Variants in VPS13B observed in about 807,000 individuals in gnomAD.
VPS13B encodes the protein vacuolar protein sorting 13 homolog B, also known as intermembrane lipid transfer protein VPS13B.
In VPS13B, 285 loss-of-function variants were observed where a neutral mutation model predicts 426.4. The ratio of observed to expected loss-of-function variants is 0.67; its 90% confidence interval spans 0.61 to 0.74. The LOEUF (loss-of-function observed/expected upper bound fraction) is 0.74. Among genes scored for constraint, VPS13B ranks in the 30% least tolerant of loss-of-function variants. The probability of loss-of-function intolerance (pLI) is 0.00; values close to 1 mark genes in which losing one functional copy is unlikely to be tolerated. For missense variants in VPS13B, 4,537 were observed against 4,782.6 expected, an observed-to-expected ratio of 0.95 and a Z score of 1.51; for synonymous variants, 1,676 against 1,676.4, an observed-to-expected ratio of 1.00 and a Z score of 0.01.
rs941969577 is a variant in VPS13B at position 99,835,267 on chromosome 8, C to T, written c.9685C>T (p.Arg3229Ter). Residue 3229 changes from arginine to a stop codon, truncating the protein, a stop_gained, in exon 53 of 62, where the codon CGA becomes TGA. Transcript: ENST00000357162. LOFTEE classifies it high-confidence loss of function. Reference sequence around the variant, plus strand: ...AACCCTCTCAGAAGACCCTAGTCCTCGAGTAATTATCCACAATAGATGTCC... The same window carrying T: ...AACCCTCTCAGAAGACCCTAGTCCTTGAGTAATTATCCACAATAGATGTCC... ...YLTLSEDPSP[R>*]VIIHNRCPVK... 1 of 1,613,574 alleles carries T rather than the reference C, an allele frequency of 6.2e-7. No homozygotes were observed. Among genetic ancestry groups the T allele is most frequent in the Non-Finnish European group, 8.5e-7 (1 of 1,179,750 alleles).
At position 99,340,170 on chromosome 8, in the gene VPS13B, C is replaced by T. The variant is rs1216756903; in HGVS notation, c.2825-44038C>T. 3 of 160,054 alleles carry T rather than the reference C, an allele frequency of 1.9e-5. No homozygotes were observed. In the Admixed American group the frequency reaches 2.0e-4, roughly 10 times the overall value. 9.9% of individuals were successfully genotyped at this position (160,054 alleles called of 1,614,324 possible). ...TGGGCAACTGAAACAACAGGGCCCACCTCTGCCAGAGTCCCCACGTGGTGT... is the reference window on the plus strand; with the variant it reads ...TGGGCAACTGAAACAACAGGGCCCATCTCTGCCAGAGTCCCCACGTGGTGT... On this transcript the variant is annotated intron_variant, in intron 19 of 61. Transcript: ENST00000357162.
intron 3 of VPS13B, among the ~76,000 whole-genome samples, chr8:99,043,505 C>T (rs1174921380): frequency 2.0e-5 from 3 of 151,982 alleles, no homozygotes. Context: ...AATAAATGGC[C>T]TTCTAATTGG....
chr8:99,532,936 G>A (rs923480986), intron 30 of VPS13B, among the ~76,000 whole-genome samples: 1 of 149,218 alleles, frequency 6.7e-6, no homozygotes, highest in Non-Finnish European at 1.5e-5. Flanking sequence ...ATTCACTGAG[G>A]GGTGTTTTTT....
chr8:99,657,470 T>TTGTGTGTGTGTG (rs34355540), intron 34 of VPS13B, among the ~76,000 whole-genome samples: 2,530 of 146,726 alleles, frequency 0.017, 27 homozygotes, highest in Middle Eastern at 0.059. Flanking sequence ...ACTTTAAAAA[T>TTGTGTGTGTGTG]TGTGTGTGTG....
intron 25 of VPS13B, among the ~76,000 whole-genome samples, chr8:99,487,113 A>C (rs1214687459): frequency 6.6e-6 from 1 of 151,988 alleles, no homozygotes; most frequent in Non-Finnish European, 1.5e-5. Flanking sequence ...ACCAAGAAAA[A>C]AAAAAAAAAA....
chr8:99,512,748 G>A (rs1019164434), intron 29 of VPS13B, among the ~76,000 whole-genome samples: 16 of 152,274 alleles, frequency 1.1e-4, no homozygotes, highest in Middle Eastern at 6.8e-3. Context: ...GGTGGCTCAC[G>A]CCTGTAATCC....
At chr8:99,619,886 GATAATAATAATAATAATA>G (rs60817713) in intron 33 of VPS13B, among the ~76,000 whole-genome samples, 1 of 146,876 alleles carries the variant, frequency 6.8e-6, no homozygotes, top group African/African-American at 2.5e-5. Flanking sequence ...AAATGATGAT[GATAATAATAATAATAATA>G]ATAATAATAA....
chr8:99,084,174 G>T (rs554350585), intron 3 of VPS13B, among the ~76,000 whole-genome samples: 1 of 152,056 alleles, frequency 6.6e-6, no homozygotes, highest in Non-Finnish European at 1.5e-5. Flanking sequence ...CTTCTTCCTG[G>T]GTTAGTCTTG....
At chr8:99,671,247 T>C (rs1181861663) in intron 35 of VPS13B, among the ~76,000 whole-genome samples, 1 of 152,178 alleles carries the variant, frequency 6.6e-6, no homozygotes, top group African/African-American at 2.4e-5. Flanking sequence ...TATTGAGCCC[T>C]TTTTCATATA....
intron 3 of VPS13B, among the ~76,000 whole-genome samples, chr8:99,064,799 A>G (rs1488228011): frequency 2.0e-5 from 3 of 152,184 alleles, no homozygotes; most frequent in Non-Finnish European, 4.4e-5. Flanking sequence ...TCCAAGACAC[A>G]TAATTGTCAG....
Position 99,776,939 on chromosome 8 carries a change from T to C in VPS13B, c.7412T>C (p.Leu2471Pro). The change falls in exon 41 of 62, where the codon CTT becomes CCT. Residue 2471 changes from leucine (L) to proline (P), a missense_variant. Coordinates refer to ENST00000357162, the MANE Select transcript of VPS13B (RefSeq NM_152564.5). ...AHLEFHLCHH[L>P]DQLGTAAPQY... ...CTGGAATTCCATCTTTGTCATCACC[T>C]TGACCAACTAGGCACAGGTACTCTT... 2 of 1,614,024 alleles carry C rather than the reference T, an allele frequency of 1.2e-6. No individual in the cohort carries two copies. The highest frequency in any genetic ancestry group is 2.2e-5 in the South Asian group (2 of 91,080).
At position 99,720,694 on chromosome 8, in the gene VPS13B, A is replaced by T. The variant is rs1001576030; in HGVS notation, c.6865+142A>T. ...GTACAAAAATAGTACATTATCATTCAATCTCTCTTAGGGGAAGTTCTTCAT... is the reference window on the plus strand; with the variant it reads ...GTACAAAAATAGTACATTATCATTCTATCTCTCTTAGGGGAAGTTCTTCAT... On this transcript the variant is annotated intron_variant, in intron 38 of 61. Transcript: ENST00000357162. 6.2e-6 allele frequency: 7 copies of T among 1,125,330 alleles called. No homozygotes were observed. In the Admixed American group the frequency reaches 8.1e-5, roughly 13 times the overall value. The allele number at this position is 1,125,330 out of a possible 1,614,324, so 69.7% of individuals were successfully genotyped here.
chr8:99,418,502 T>TCTTTC (rs1554779784), intron 21 of VPS13B, among the ~76,000 whole-genome samples: 4 of 137,526 alleles, frequency 2.9e-5, no homozygotes, highest in African/African-American at 8.3e-5. Flanking sequence ...TTTCTTTCTT[T>TCTTTC]CTTTCTTTCT....
At chr8:99,079,735 T>A (rs1030574366) in intron 3 of VPS13B, among the ~76,000 whole-genome samples, 3 of 152,094 alleles carry the variant, frequency 2.0e-5, no homozygotes, top group Non-Finnish European at 4.4e-5. Flanking sequence ...AGTTTCATAC[T>A]TGAATTTTGC....
At chr8:99,811,058 G>T (rs16897728) in intron 44 of VPS13B, among the ~76,000 whole-genome samples, 1 of 152,098 alleles carries the variant, frequency 6.6e-6, no homozygotes, top group Non-Finnish European at 1.5e-5. Context: ...CTGGTTTTCT[G>T]ATTCTGTCAC....
At chr8:99,151,856 T>G (rs77635126) in intron 14 of VPS13B, among the ~76,000 whole-genome samples, 2,475 of 152,212 alleles carry the variant, frequency 0.016, 52 homozygotes, top group Non-Finnish European at 0.021. Context: ...TTTTAAAAAT[T>G]ATCATTTTAG....
chr8:99,273,612 G>A (rs950768966), intron 17 of VPS13B, among the ~76,000 whole-genome samples: 1 of 151,742 alleles, frequency 6.6e-6, no homozygotes, highest in South Asian at 2.1e-4. Flanking sequence ...TGCTGAAACC[G>A]CGTCTCTACT....
At chr8:99,536,867 A>C in intron 30 of VPS13B, 2 of 480,242 alleles carry the variant, frequency 4.2e-6, no homozygotes, top group Non-Finnish European at 8.7e-6. Flanking sequence ...ACTAAACTTT[A>C]AGAATTTTCC....
intron 30 of VPS13B, among the ~76,000 whole-genome samples, chr8:99,545,290 C>T (rs982385712): frequency 3.9e-5 from 6 of 152,088 alleles, no homozygotes; most frequent in African/African-American, 1.2e-4. Flanking sequence ...CTTCAACATT[C>T]TCCTTGTACG....
Sources: allele counts gnomAD v4.1 joint callset (sites outside exome capture counted in the v4.1 genomes callset), GRCh38; gene constraint gnomAD v4.1.1; transcripts MANE v1.5; gene names NCBI Gene and HGNC (gene_info 2026-07-23, HGNC 2026-07-21).